MACROD2: variants seen among roughly 807,000 people sequenced by gnomAD.
MACROD2 encodes mono-ADP ribosylhydrolase 2, also known as ADP-ribose glycohydrolase MACROD2.
A neutral mutation model predicts 70.4 loss-of-function variants in MACROD2; 36 were observed. The observed-to-expected ratio is 0.51, with a 90% CI of 0.39 to 0.68. The LOEUF is 0.68. MACROD2 is among the 30% of genes least tolerant of loss of function. The probability of loss-of-function intolerance (pLI) is 0.00; values close to 1 mark genes in which losing one functional copy is unlikely to be tolerated. For missense variants in MACROD2, 496 were observed against 538.4 expected, an observed-to-expected ratio of 0.92 and a Z score of 0.78; for synonymous variants, 172 against 178.8, an observed-to-expected ratio of 0.96 and a Z score of 0.30.
intron 8 of MACROD2, among the ~76,000 whole-genome samples, chr20:15,586,483 T>G (rs1231657940): frequency 6.6e-6 from 1 of 152,248 alleles, no homozygotes; most frequent in Non-Finnish European, 1.5e-5. Flanking sequence ...TTTACCTGGC[T>G]TAAAAGTCAG....
At chr20:15,461,532 C>T (rs1568825567) in intron 7 of MACROD2, among the ~76,000 whole-genome samples, 1 of 152,152 alleles carries the variant, frequency 6.6e-6, no homozygotes, top group Non-Finnish European at 1.5e-5. Flanking sequence ...TCTTTACATA[C>T]AAGCTGGAGT....
At chr20:15,436,505 G>A (rs2046429750) in intron 7 of MACROD2, among the ~76,000 whole-genome samples, 1 of 151,854 alleles carries the variant, frequency 6.6e-6, no homozygotes, top group African/African-American at 2.4e-5. Flanking sequence ...AGCTACAGGA[G>A]GAGATTTGGG....
intron 8 of MACROD2, among the ~76,000 whole-genome samples, chr20:15,583,042 G>T (rs1400000028): frequency 6.8e-6 from 1 of 147,992 alleles, no homozygotes; most frequent in Admixed American, 6.6e-5. Flanking sequence ...AGAGGGAGGA[G>T]AAGAGAAAAA....
At chr20:15,302,565 C>T (rs1214373572) in intron 6 of MACROD2, among the ~76,000 whole-genome samples, 1 of 152,176 alleles carries the variant, frequency 6.6e-6, no homozygotes, top group Non-Finnish European at 1.5e-5. Flanking sequence ...TCAACCATTC[C>T]TCTGTTGATG....
At chr20:15,294,356 TC>T (rs1352313113) in intron 6 of MACROD2, among the ~76,000 whole-genome samples, 3 of 152,112 alleles carry the variant, frequency 2.0e-5, no homozygotes, top group Non-Finnish European at 4.4e-5. Context: ...CTGTGGGCAT[TC>T]AAACCCCCAG....
chr20:14,281,659 A>G (rs561939556), intron 3 of MACROD2, among the ~76,000 whole-genome samples: 32 of 152,258 alleles, frequency 2.1e-4, no homozygotes, highest in African/African-American at 6.3e-4. Context: ...ATAAGCAGCC[A>G]GGCGCAGTGG....
intron 8 of MACROD2, among the ~76,000 whole-genome samples, chr20:15,724,767 G>A (rs1022647689): frequency 8.6e-5 from 13 of 152,020 alleles, no homozygotes; most frequent in Non-Finnish European, 1.5e-4. Context: ...TAGCTGTTCT[G>A]GGTCTTCTGC....
intron 3 of MACROD2, among the ~76,000 whole-genome samples, chr20:14,144,597 A>C (rs2054921557): frequency 6.6e-6 from 1 of 152,260 alleles, no homozygotes; most frequent in Admixed American, 6.5e-5. Context: ...TTATGGTCTA[A>C]CCAGGGAAAG....
intron 5 of MACROD2, among the ~76,000 whole-genome samples, chr20:14,880,449 G>A (rs1205673322): frequency 6.6e-6 from 1 of 152,132 alleles, no homozygotes; most frequent in Non-Finnish European, 1.5e-5. Flanking sequence ...AAAATCTATG[G>A]CCATTTGAAA....
At chr20:16,023,265 G>A (rs1206683218) in intron 15 of MACROD2, among the ~76,000 whole-genome samples, 1 of 151,960 alleles carries the variant, frequency 6.6e-6, no homozygotes, top group Non-Finnish European at 1.5e-5. Flanking sequence ...TACGAGGTCA[G>A]GAGATCGAGA....
chr20:15,437,926 T>A (rs1440951365), intron 7 of MACROD2, among the ~76,000 whole-genome samples: 1 of 152,156 alleles, frequency 6.6e-6, no homozygotes, highest in Non-Finnish European at 1.5e-5. Flanking sequence ...GTTGATTTCA[T>A]GTCTTTGCTA....
chr20:15,287,757 T>A (rs900331557), intron 6 of MACROD2, among the ~76,000 whole-genome samples: 36 of 152,372 alleles, frequency 2.4e-4, no homozygotes, highest in Middle Eastern at 3.4e-3. Context: ...TTTTGAACAA[T>A]TAGAGTATGC....
chr20:14,794,406 T>C (rs1301018227), intron 5 of MACROD2, among the ~76,000 whole-genome samples: 12 of 152,146 alleles, frequency 7.9e-5, no homozygotes, highest in Admixed American at 7.9e-4. Context: ...GGGAAACACC[T>C]AATGTGGGAA....
intron 8 of MACROD2, among the ~76,000 whole-genome samples, chr20:15,737,701 C>T (rs1006363976): frequency 4.6e-5 from 7 of 152,172 alleles, no homozygotes; most frequent in African/African-American, 1.2e-4. Context: ...ATATTGAGAA[C>T]ATTGTAAATA....
In MACROD2 at chr20:15,123,672, T is replaced by C. The variant is rs2076046729; in HGVS notation, c.419-106268T>C. Among the ~76,000 whole-genome samples, 4 of 152,332 alleles carry C rather than the reference T, an allele frequency of 2.6e-5. No individual in the cohort carries two copies. In the South Asian group the frequency reaches 6.2e-4, roughly 24 times the overall value. On this transcript the variant is annotated intron_variant, in intron 5 of 17. Transcript: ENST00000684519. ...GTGTGTGGCTCACATTATATTTCTATTGGACAGTGTGACTTCAGACATTTC... is the reference window on the plus strand; with the variant it reads ...GTGTGTGGCTCACATTATATTTCTACTGGACAGTGTGACTTCAGACATTTC...
At chr20:15,800,647 G>A (rs1294276206) in intron 8 of MACROD2, among the ~76,000 whole-genome samples, 2 of 152,064 alleles carry the variant, frequency 1.3e-5, no homozygotes, top group Non-Finnish European at 2.9e-5. Context: ...ACTGGGAAGC[G>A]AGGAGCCCCT....
chr20:15,486,263 T>C (rs1017097912), intron 7 of MACROD2, among the ~76,000 whole-genome samples: 2 of 152,164 alleles, frequency 1.3e-5, no homozygotes, highest in Non-Finnish European at 2.9e-5. Context: ...ATACTTCCAG[T>C]CATCACTCTG....
chr20:15,268,680 C>T (rs1474781124), intron 6 of MACROD2, among the ~76,000 whole-genome samples: 2 of 152,084 alleles, frequency 1.3e-5, no homozygotes, highest in Non-Finnish European at 2.9e-5. Flanking sequence ...AATTGAAATT[C>T]CCTTCCCTTT....
chr20:14,644,150 A>C lies in MACROD2; in HGVS notation c.302-40693A>C, dbSNP rs189879159. On this transcript the variant is annotated intron_variant, in intron 4 of 17. Coordinates refer to ENST00000684519, the MANE Select transcript of MACROD2 (RefSeq NM_001351661.2). ...ACTGACTGCTTTTGTGAGTCTAAGA[A>C]ACAGCAGTGAACTTGGATTACAGTT... 2.5e-3 allele frequency among the ~76,000 whole-genome samples: 381 copies of C among 152,310 alleles called. 1 individual carries two copies. The highest frequency in any genetic ancestry group is 0.024 in the South Asian group (117 of 4,828).
Sources: gnomAD v4.1 joint callset for allele counts (sites outside exome capture counted in the v4.1 genomes callset) on GRCh38, gnomAD v4.1.1 for gene constraint, MANE v1.5 for transcripts, NCBI Gene and HGNC (gene_info 2026-07-23, HGNC 2026-07-21) for gene names.